RABGAP1L: variants seen among roughly 807,000 people sequenced by gnomAD.
RABGAP1L encodes RAB GTPase activating protein 1 like, also known as rab GTPase-activating protein 1-like.
In RABGAP1L, 63 loss-of-function variants were observed where a neutral mutation model predicts 137.7. That is an observed-to-expected ratio of 0.46 (90% CI 0.37 to 0.56). The LOEUF is 0.56. RABGAP1L is among the 20% of genes least tolerant of loss of function. The pLI is 0.00. For synonymous variants in RABGAP1L, 431 were observed against 433.7 expected, an observed-to-expected ratio of 0.99 and a Z score of 0.08; for missense variants, 1,095 against 1,244.0, an observed-to-expected ratio of 0.88 and a Z score of 1.80.
At position 174,438,746 on chromosome 1, in the gene RABGAP1L, A is replaced by G. The variant is rs895787600; in HGVS notation, c.1710+44601A>G. Among the ~76,000 whole-genome samples the G allele has an allele frequency of 1.2e-3, 113 of 97,952 alleles. 1 individual carries two copies. Among genetic ancestry groups the G allele is most frequent in the Middle Eastern group, 6.0e-3 (1 of 168 alleles). The allele number at this position is 97,952 out of a possible 152,430, so 64.3% of individuals were successfully genotyped here. Reference sequence around the variant, plus strand: ...AAACCCAAAAAAAGTGTGTGTGTGTATATATATATATATATATATATATAT... The same window carrying G: ...AAACCCAAAAAAAGTGTGTGTGTGTGTATATATATATATATATATATATAT... On this transcript the variant is annotated intron_variant, in intron 13 of 25. Coordinates refer to ENST00000681986, the MANE Select transcript of RABGAP1L (RefSeq NM_001366446.1).
chr1:174,849,072 C>T (rs909402270), intron 19 of RABGAP1L, among the ~76,000 whole-genome samples: 29 of 152,330 alleles, frequency 1.9e-4, no homozygotes, highest in African/African-American at 6.0e-4. Flanking sequence ...GGCAATGCCT[C>T]GCCCTGCTTC....
intron 13 of RABGAP1L, among the ~76,000 whole-genome samples, chr1:174,603,844 C>T (rs35216639): frequency 5.3e-5 from 8 of 151,874 alleles, no homozygotes; most frequent in Admixed American, 2.0e-4. Context: ...AATGTCATCC[C>T]GAGCTAGATC....
chr1:174,187,461 A>G (rs537588722), intron 1 of RABGAP1L, among the ~76,000 whole-genome samples: 5 of 152,238 alleles, frequency 3.3e-5, no homozygotes, highest in African/African-American at 9.6e-5. Context: ...TATTATTTAT[A>G]TATAAAGTGT....
intron 13 of RABGAP1L, among the ~76,000 whole-genome samples, chr1:174,494,367 ACT>A (rs902972445): frequency 2.6e-5 from 4 of 151,870 alleles, no homozygotes; most frequent in Non-Finnish European, 4.4e-5. Context: ...AGACTTTGAC[ACT>A]CTATTCATCT....
rs190697821 is a variant in RABGAP1L at position 174,358,599 on chromosome 1, G to A, written c.1466-12380G>A. Among the ~76,000 whole-genome samples the A allele has an allele frequency of 3.8e-3, 573 of 152,284 alleles. 4 individuals carry two copies. The highest frequency in any genetic ancestry group is 0.014 in the Middle Eastern group (4 of 294). The stretch of plus-strand genomic sequence containing the variant: ...AGTACGTGACTGCTTCTTCACCCAG[G>A]ATGGCCTCCTGGTTCTGTTTTACTT... On this transcript the variant is annotated intron_variant, in intron 11 of 25. Coordinates refer to ENST00000681986, the MANE Select transcript of RABGAP1L (RefSeq NM_001366446.1).
chr1:174,826,680 G>A (rs1244434393), intron 19 of RABGAP1L, among the ~76,000 whole-genome samples: 2 of 152,142 alleles, frequency 1.3e-5, no homozygotes, highest in African/African-American at 4.8e-5. Flanking sequence ...GGGATTGCTG[G>A]TTCAAATAGT....
intron 3 of RABGAP1L, among the ~76,000 whole-genome samples, chr1:174,225,676 C>T (rs969940834): frequency 3.3e-5 from 5 of 152,148 alleles, no homozygotes; most frequent in African/African-American, 1.2e-4. Flanking sequence ...GGATTATCTT[C>T]TTCAGCTCTC....
chr1:174,803,442 A>T (rs186729491), intron 18 of RABGAP1L, among the ~76,000 whole-genome samples: 58 of 152,370 alleles, frequency 3.8e-4, no homozygotes, highest in African/African-American at 1.3e-3. Flanking sequence ...CAAACATCCT[A>T]GACATCAGCT....
intron 19 of RABGAP1L, among the ~76,000 whole-genome samples, chr1:174,816,759 G>T: frequency 7.0e-6 from 1 of 142,052 alleles, no homozygotes. Context: ...TTGAGATGGA[G>T]TCTTGCTCTG....
At chr1:174,688,769 A>C (rs1447649640) in intron 15 of RABGAP1L, among the ~76,000 whole-genome samples, 1 of 152,104 alleles carries the variant, frequency 6.6e-6, no homozygotes, top group Non-Finnish European at 1.5e-5. Context: ...TGAATGTTTC[A>C]CACTACATTG....
At chr1:174,656,135 T>C (rs1484570362) in intron 14 of RABGAP1L, among the ~76,000 whole-genome samples, 1 of 152,176 alleles carries the variant, frequency 6.6e-6, no homozygotes, top group African/African-American at 2.4e-5. Context: ...TATTAATACA[T>C]AATTCACATA....
intron 19 of RABGAP1L, among the ~76,000 whole-genome samples, chr1:174,951,872 C>T (rs1667760354): frequency 6.6e-6 from 1 of 152,140 alleles, no homozygotes; most frequent in Non-Finnish European, 1.5e-5. Context: ...ACTGGTAGTG[C>T]CCAGGGTCTT....
intron 1 of RABGAP1L, among the ~76,000 whole-genome samples, chr1:174,175,868 G>T (rs1665807560): frequency 6.6e-6 from 1 of 152,078 alleles, no homozygotes; most frequent in African/African-American, 2.4e-5. Context: ...CAGGTGATCT[G>T]CCCTCCTTGG....
chr1:174,765,503 TGGCTCAC>T (rs1246997298), intron 18 of RABGAP1L, among the ~76,000 whole-genome samples: 1 of 152,100 alleles, frequency 6.6e-6, no homozygotes, highest in East Asian at 1.9e-4. Context: ...GGCATAATCA[TGGCTCAC>T]TGCAGTTTCA....
chr1:174,666,985 CAA>C (rs35100174), intron 14 of RABGAP1L, among the ~76,000 whole-genome samples: 29,176 of 119,370 alleles, frequency 0.24, 3,311 homozygotes, highest in African/African-American at 0.39. Flanking sequence ...AGTTACAAGG[CAA>C]AAAAAAAAAA....
intron 18 of RABGAP1L, among the ~76,000 whole-genome samples, chr1:174,811,487 C>T (rs1689867453): frequency 6.6e-6 from 1 of 152,112 alleles, no homozygotes; most frequent in African/African-American, 2.4e-5. Context: ...CAGATTAGTC[C>T]TAGAGTCCAG....
intron 20 of RABGAP1L, among the ~76,000 whole-genome samples, chr1:174,962,462 CAAAG>C (rs1050677148): frequency 1.1e-4 from 16 of 152,186 alleles, no homozygotes; most frequent in Admixed American, 2.6e-4. Context: ...GTAATTTAAA[CAAAG>C]AAAATGATTC....
intron 19 of RABGAP1L, among the ~76,000 whole-genome samples, chr1:174,906,747 C>T (rs12084999): frequency 0.046 from 6,934 of 151,914 alleles, 528 homozygotes; most frequent in African/African-American, 0.16. Context: ...AGTAAACTCT[C>T]AAAGATCAAA....
chr1:174,669,395 A>ATG (rs1185542652), intron 14 of RABGAP1L, among the ~76,000 whole-genome samples: 6 of 152,046 alleles, frequency 3.9e-5, no homozygotes, highest in Non-Finnish European at 1.5e-5. Context: ...ATCATATTAG[A>ATG]TGTATAGTTT....
Sources: allele counts gnomAD v4.1 joint callset (sites outside exome capture counted in the v4.1 genomes callset), GRCh38; gene constraint gnomAD v4.1.1; transcripts MANE v1.5; gene names NCBI Gene and HGNC (gene_info 2026-07-23, HGNC 2026-07-21).